AOPEP: variants seen among roughly 807,000 people sequenced by gnomAD.
AOPEP encodes aminopeptidase O.
AOPEP carries 77 observed loss-of-function variants against 98.1 expected under a neutral mutation model. That is an observed-to-expected ratio of 0.78 (90% CI 0.65 to 0.95). The LOEUF (loss-of-function observed/expected upper bound fraction) is 0.95, where lower values mean the gene tolerates loss of function less well. Among genes scored for constraint, AOPEP ranks in the 40% least tolerant of loss-of-function variants. AOPEP has a pLI of 0.00. For missense variants in AOPEP, 1,024 were observed against 1,024.7 expected (o/e 1.00, Z 0.01); for synonymous variants, 346 against 365.3 (o/e 0.95, Z 0.60).
At chr9:94,914,916 T>C (rs189617097) in intron 5 of AOPEP, among the ~76,000 whole-genome samples, 10 of 152,352 alleles carry the variant, frequency 6.6e-5, no homozygotes, top group Admixed American at 5.9e-4. Flanking sequence ...TTAGCAAATA[T>C]TTCATGGAAC....
chr9:94,873,912 C>T (rs867459820), intron 5 of AOPEP, among the ~76,000 whole-genome samples: 1 of 152,162 alleles, frequency 6.6e-6, no homozygotes, highest in South Asian at 2.1e-4. Context: ...GAAGATTATA[C>T]ATCTTCTCTC....
the AOPEP span, among the ~76,000 whole-genome samples, chr9:95,096,398 G>A: frequency 6.6e-6 from 1 of 152,130 alleles, no homozygotes; most frequent in African/African-American, 2.4e-5. Context: ...TCCCTGGCAG[G>A]ATGGAATGGC....
downstream of AOPEP, among the ~76,000 whole-genome samples, chr9:95,091,674 A>G (rs1020959532): frequency 4.6e-5 from 7 of 152,072 alleles, no homozygotes; most frequent in African/African-American, 1.7e-4. Flanking sequence ...GCCAGTTGTG[A>G]CTATTCAGTG....
intron 2 of AOPEP, among the ~76,000 whole-genome samples, chr9:94,764,796 G>T (rs1839178764): frequency 6.6e-6 from 1 of 152,136 alleles, no homozygotes; most frequent in Non-Finnish European, 1.5e-5. Context: ...AATATAAGAT[G>T]CCAGTAATAG....
chr9:95,049,464 A>G lies in AOPEP; in HGVS notation c.2116-11230A>G, dbSNP rs76930087. Among the ~76,000 whole-genome samples the G allele has an allele frequency of 3.7e-3, 571 of 152,354 alleles. 17 individuals are homozygous for G. In the East Asian group the frequency reaches 0.052, roughly 14 times the overall value. On this transcript the variant is annotated intron_variant, in intron 13 of 16. Transcript: ENST00000375315. ...CTTATTTCTGCAGATAAATGGGAAT[A>G]CTGAGGGGAGGGACGGAAAGTATGG...
In AOPEP at chr9:94,951,060, G is replaced by A. The variant is rs562879052; in HGVS notation, c.1662-4117G>A. ...AAGGCGTGGGGAAGGGAAAGGGCAC[G>A]TCAATCTCAGTTGTTGCATTTGGTG... On this transcript the variant is annotated intron_variant, in intron 7 of 16. Transcript: ENST00000375315. Among the ~76,000 whole-genome samples, 8 of 152,328 alleles carry A rather than the reference G, an allele frequency of 5.3e-5. No individual in the cohort carries two copies. The South Asian group carries it at 6.2e-4, about 12-fold the overall frequency.
chr9:94,867,104 T>C (rs553026878), intron 5 of AOPEP, among the ~76,000 whole-genome samples: 1 of 152,358 alleles, frequency 6.6e-6, no homozygotes, highest in East Asian at 1.9e-4. Flanking sequence ...TGCTGCCTGC[T>C]ATTTTGATTA....
At chr9:95,107,183 T>C in the AOPEP span, 3 of 1,614,186 alleles carry the variant, frequency 1.9e-6, no homozygotes, top group South Asian at 1.1e-5. Context: ...CTGTGCCCTG[T>C]CCTGCTACCG....
the AOPEP span, chr9:95,110,518 T>G: frequency 1.9e-5 from 20 of 1,030,738 alleles, no homozygotes; most frequent in Non-Finnish European, 2.2e-5. Flanking sequence ...GTTATAATTT[T>G]TTCACAAAGC....
the AOPEP span, among the ~76,000 whole-genome samples, chr9:95,132,182 G>A: frequency 6.6e-6 from 1 of 152,210 alleles, no homozygotes; most frequent in African/African-American, 2.4e-5. Context: ...AAATGGGAGG[G>A]CATGAGAATC....
At chr9:95,061,986 GA>G (rs1378501114) in intron 14 of AOPEP, among the ~76,000 whole-genome samples, 1 of 152,154 alleles carries the variant, frequency 6.6e-6, no homozygotes, top group East Asian at 1.9e-4. Flanking sequence ...AATCAGGGTG[GA>G]GTACCACCAA....
chr9:95,069,555 C>T (rs915581359), intron 14 of AOPEP, among the ~76,000 whole-genome samples: 2 of 152,134 alleles, frequency 1.3e-5, no homozygotes, highest in South Asian at 4.1e-4. Flanking sequence ...TTTTTGGAGC[C>T]TTTAATAGCA....
chr9:95,146,540 T>C, the AOPEP span, among the ~76,000 whole-genome samples: 13 of 129,232 alleles, frequency 1.0e-4, no homozygotes, highest in Non-Finnish European at 2.2e-4. Flanking sequence ...ATTAATAAAA[T>C]GATTTAAAAA....
At chr9:94,841,081 C>T (rs916123734) in intron 5 of AOPEP, among the ~76,000 whole-genome samples, 2 of 151,800 alleles carry the variant, frequency 1.3e-5, no homozygotes, top group South Asian at 2.1e-4. Flanking sequence ...AGCAACTTAG[C>T]TTATTGATTT....
At chr9:95,126,675 G>T in the AOPEP span, 1 of 1,297,848 alleles carries the variant, frequency 7.7e-7, no homozygotes, top group Non-Finnish European at 1.1e-6. Flanking sequence ...GGGAACTGCT[G>T]ATGTCCAGAA....
chr9:95,110,632 A>T, the AOPEP span: 1 of 1,043,212 alleles, frequency 9.6e-7, no homozygotes, highest in Non-Finnish European at 1.2e-6. Context: ...AAATACGCAG[A>T]CATCTTTATT....
At chr9:94,863,172 T>C (rs1313704043) in intron 5 of AOPEP, among the ~76,000 whole-genome samples, 2 of 151,936 alleles carry the variant, frequency 1.3e-5, no homozygotes, top group Admixed American at 6.6e-5. Context: ...TTCTCGCTTC[T>C]CTCCTGCTGC....
intron 14 of AOPEP, among the ~76,000 whole-genome samples, chr9:95,076,498 C>T (rs1231516457): frequency 1.3e-5 from 2 of 152,202 alleles, no homozygotes; most frequent in African/African-American, 2.4e-5. Flanking sequence ...GACTACCCTG[C>T]AACCATTAAT....
chr9:94,904,959 GT>G (rs1343744819), intron 5 of AOPEP, among the ~76,000 whole-genome samples: 1 of 152,140 alleles, frequency 6.6e-6, no homozygotes, highest in African/African-American at 2.4e-5. Flanking sequence ...TGTTGCTTTT[GT>G]TTTGCATTTA....
Sources: allele counts gnomAD v4.1 joint callset (sites outside exome capture counted in the v4.1 genomes callset), GRCh38; gene constraint gnomAD v4.1.1; transcripts MANE v1.5; gene names NCBI Gene and HGNC (gene_info 2026-07-23, HGNC 2026-07-21).